The following PCDH10 variants were observed in gnomAD, a reference collection of about 807,000 sequenced individuals.
The protein encoded by PCDH10 is protocadherin 10.
A neutral mutation model predicts 74.4 loss-of-function variants in PCDH10; 15 were observed. The observed-to-expected ratio is 0.20, with a 90% CI of 0.13 to 0.31. PCDH10 has a LOEUF of 0.31. Among genes scored for constraint, PCDH10 ranks in the 10% least tolerant of loss-of-function variants. The pLI is 1.00. For synonymous variants in PCDH10, 619 were observed against 589.8 expected, an observed-to-expected ratio of 1.05 and a Z score of -0.72; for missense variants, 1,260 against 1,390.2, an observed-to-expected ratio of 0.91 and a Z score of 1.49.
intron 4 of PCDH10, among the ~76,000 whole-genome samples, chr4:133,183,479 C>G (rs1271592879): frequency 6.6e-6 from 1 of 151,968 alleles, no homozygotes; most frequent in African/African-American, 2.4e-5. Flanking sequence ...AATTGTATAC[C>G]ATTGTATTTG....
At chr4:133,154,480 G>A (rs1223769569) in intron 2 of PCDH10, 115 bp downstream of exon 2, 1 of 606,412 alleles carries the variant, frequency 1.6e-6, no homozygotes, top group East Asian at 3.0e-5. Flanking sequence ...TTCAATTAAG[G>A]CAGGACATAA....
rs748267361 is a variant in PCDH10 at position 133,152,501 on chromosome 4, C to T, written c.2361C>T (p.Ile787=). 1 of 1,614,114 alleles carries T rather than the reference C, an allele frequency of 6.2e-7. No homozygotes were observed. The change falls in exon 1 of 5, where the codon ATC becomes ATT. Residue 787 remains isoleucine (I), a synonymous_variant. Coordinates refer to ENST00000264360, the MANE Select transcript of PCDH10 (RefSeq NM_032961.3). The part of the protein sequence containing the change: ...ARKKKLSKSD[I]MLVQSSNVPS... Reference sequence around the variant, plus strand: ...AGAAGAAACTCAGCAAGTCAGACATCATGCTGGTGCAGAGCTCCAATGTAC... The same window carrying T: ...AGAAGAAACTCAGCAAGTCAGACATTATGCTGGTGCAGAGCTCCAATGTAC...
In PCDH10 at chr4:133,152,762, G is replaced by T. The variant is rs1726764002; in HGVS notation, c.2622G>T (p.Leu874Phe). The T allele has an allele frequency of 6.2e-7, 1 of 1,614,084 alleles. No homozygotes were observed. Among genetic ancestry groups the T allele is most frequent in the African/African-American group, 1.3e-5 (1 of 74,948 alleles). Reference protein sequence around the residue: ...QPDIISNGSILSNETKHQRAE... With the variant: ...QPDIISNGSIFSNETKHQRAE... ...ATATCATCTCCAACGGAAGCATTTT[G>T]TCCAACGAGGTAAGGCTGAAGCGAA... The change falls in exon 1 of 5, where the codon TTG becomes TTT. Residue 874 changes from leucine (L) to phenylalanine (F), a missense_variant. Leu to Phe is a conservative substitution (Grantham distance 22, BLOSUM62 0). Around this residue, in one of 11 missense-constraint regions of PCDH10, gnomAD observed 587 missense variants for 616.9 expected, o/e 0.95. Transcript: ENST00000264360.
Position 133,175,698 on chromosome 4 carries a change from T to C in PCDH10, c.3103+12416T>C, listed in dbSNP as rs932837649. 4.6e-5 allele frequency among the ~76,000 whole-genome samples: 7 copies of C among 152,080 alleles called. No homozygotes were observed. The East Asian group carries it at 1.2e-3, about 25-fold the overall frequency. On this transcript the variant is annotated intron_variant, in intron 4 of 4. Coordinates refer to ENST00000264360, the MANE Select transcript of PCDH10 (RefSeq NM_032961.3). Reference sequence around the variant, plus strand: ...CACACATGGCCCAATGCATCCTCATTTCATGTTAAGTGATCTGTACCTACT... The same window carrying C: ...CACACATGGCCCAATGCATCCTCATCTCATGTTAAGTGATCTGTACCTACT...
intron 4 of PCDH10, among the ~76,000 whole-genome samples, chr4:133,170,944 G>A (rs993955586): frequency 3.3e-5 from 5 of 151,734 alleles, no homozygotes; most frequent in South Asian, 4.2e-4. Context: ...CCAAAGTGCT[G>A]GGATTACAGG....
intron 4 of PCDH10, among the ~76,000 whole-genome samples, chr4:133,186,601 A>C (rs2125872445): frequency 6.6e-6 from 1 of 152,262 alleles, no homozygotes; most frequent in South Asian, 2.1e-4. Context: ...CACTGGAATA[A>C]TTGTCCTGGT....
chr4:133,204,085 A>T (rs1396800497), intron 2 of PCDH10, among the ~76,000 whole-genome samples: 1 of 152,134 alleles, frequency 6.6e-6, no homozygotes, highest in Non-Finnish European at 1.5e-5. Flanking sequence ...TGCCTTGACC[A>T]TGGGCTGCCA....
At position 133,157,521 on chromosome 4, in the gene PCDH10, G is replaced by A. The variant is rs1251776336; in HGVS notation, c.2797+2498G>A. Among the ~76,000 whole-genome samples, 6 of 152,078 alleles carry A rather than the reference G, an allele frequency of 3.9e-5. No homozygotes were observed. The East Asian group carries it at 1.2e-3, about 29-fold the overall frequency. Reference sequence around the variant, plus strand: ...GCATAGCTTTCTAAGTTCAGGATAGGAAAAAAACCTTGTGTTATAATAAGC... The same window carrying A: ...GCATAGCTTTCTAAGTTCAGGATAGAAAAAAAACCTTGTGTTATAATAAGC... On this transcript the variant is annotated intron_variant, in intron 3 of 4. Transcript: ENST00000264360.
chr4:133,185,841 A>G (rs1727532077), intron 4 of PCDH10, among the ~76,000 whole-genome samples: 1 of 152,068 alleles, frequency 6.6e-6, no homozygotes, highest in Non-Finnish European at 1.5e-5. Flanking sequence ...TATAAAGGGT[A>G]TTTTCTTTCC....
rs780537925 is a variant in PCDH10 at position 133,152,473 on chromosome 4, G to A, written c.2333G>A (p.Arg778His). The A allele has an allele frequency of 1.2e-6, 2 of 1,614,094 alleles. No individual in the cohort carries two copies. The highest frequency in any genetic ancestry group is 1.7e-6 in the Non-Finnish European group (2 of 1,179,994). ...TGCTGTGGCCGCCAAGCCCGGGCGCGCAAGAAGAAACTCAGCAAGTCAGAC... is the reference window on the plus strand; with the variant it reads ...TGCTGTGGCCGCCAAGCCCGGGCGCACAAGAAGAAACTCAGCAAGTCAGAC... ...STCCGRQARA[R>H]KKKLSKSDIM... Residue 778 changes from arginine (R) to histidine (H), a missense_variant, in exon 1 of 5, where the codon CGC (arginine) becomes CAC (histidine). By Grantham distance (29) the Arg-to-His change is conservative. Around this residue, in one of 11 missense-constraint regions of PCDH10, gnomAD observed 587 missense variants for 616.9 expected, o/e 0.95. Transcript: ENST00000264360.
At chr4:133,195,584 A>G (rs1727779798), downstream of PCDH10, among the ~76,000 whole-genome samples, 1 of 152,100 alleles carries the variant, frequency 6.6e-6, no homozygotes, top group Non-Finnish European at 1.5e-5. Flanking sequence ...GAGGTCTAAC[A>G]GTGCGAGAAA....
At position 133,151,466 on chromosome 4, in the gene PCDH10, G is replaced by T. The variant is rs763223297; in HGVS notation, c.1326G>T (p.Ala442=). ...TGGCTCGGGACCGGGGCGAGCCTGC[G>T]CTCTCCACCAGTAAGTCGATCCAGG... The part of the protein sequence containing the change: ...TVVARDRGEP[A]LSTSKSIQVQ... The change falls in exon 1 of 5, where the codon GCG becomes GCT. Residue 442 remains alanine, a synonymous_variant. Transcript: ENST00000264360. The T allele has an allele frequency of 4.3e-6, 7 of 1,613,602 alleles. No homozygotes were observed. The highest frequency in any genetic ancestry group is 5.1e-6 in the Non-Finnish European group (6 of 1,180,000).
chr4:133,166,696 A>T lies in PCDH10; in HGVS notation c.3103+3414A>T, dbSNP rs1287283697. On this transcript the variant is annotated intron_variant, in intron 4 of 4. Transcript: ENST00000264360. ...AACACCATCTCTTAAGATTTTTGTC[A>T]GTAAATGAACATGAAATTCAGTTCC... 4.6e-5 allele frequency among the ~76,000 whole-genome samples: 7 copies of T among 151,528 alleles called. No homozygotes were observed. In the East Asian group the frequency reaches 1.3e-3, roughly 29 times the overall value.
chr4:133,194,886 A>G (rs1056923852), downstream of PCDH10, among the ~76,000 whole-genome samples: 5 of 152,022 alleles, frequency 3.3e-5, no homozygotes, highest in African/African-American at 1.2e-4. Flanking sequence ...ATAGAAGTAT[A>G]TATTTTTCCA....
chr4:133,178,908 G>T (rs1727351814), intron 4 of PCDH10, among the ~76,000 whole-genome samples: 1 of 151,982 alleles, frequency 6.6e-6, no homozygotes, highest in East Asian at 1.9e-4. Flanking sequence ...TAAATGTTAT[G>T]GAAAAAAGTT....
rs763670241 is a variant in PCDH10 at position 133,163,045 on chromosome 4, C to A, written c.2866C>A (p.Pro956Thr). 6 of 1,614,152 alleles carry A rather than the reference C, an allele frequency of 3.7e-6. No homozygotes were observed. The highest frequency in any genetic ancestry group is 1.1e-5 in the South Asian group (1 of 91,084). The change falls in exon 4 of 5, where the codon CCT becomes ACT. Residue 956 changes from proline to threonine, a missense_variant. Transcript: ENST00000264360. Reference protein sequence around the residue: ...ALGHSDRCWMPSFVPSDGRQA... With the variant: ...ALGHSDRCWMTSFVPSDGRQA... ...GGGCCACTCAGATCGGTGCTGGATG[C>A]CTTCTTTTGTCCCTTCTGATGGACG...
Position 133,190,697 on chromosome 4 carries a change from A to G in PCDH10, c.*537A>G, listed in dbSNP as rs1727644033. 6.6e-6 allele frequency: 1 copy of G among 152,146 alleles called. No individual in the cohort carries two copies. The highest frequency in any genetic ancestry group is 1.5e-5 in the Non-Finnish European group (1 of 67,940). The allele number at this position is 152,146 out of a possible 1,614,324, so 9.4% of individuals were successfully genotyped here. The stretch of plus-strand genomic sequence containing the variant: ...AAATATCAAAGACATTCTGTAGTTT[A>G]TACACCGTGTTGCAAAGTGTTTACT... On this transcript the variant is annotated 3_prime_UTR_variant, in exon 5 of 5. Coordinates refer to ENST00000264360, the MANE Select transcript of PCDH10 (RefSeq NM_032961.3).
At chr4:133,180,413 C>T (rs1727391533) in intron 4 of PCDH10, among the ~76,000 whole-genome samples, 1 of 151,902 alleles carries the variant, frequency 6.6e-6, no homozygotes, top group Admixed American at 6.6e-5. Context: ...ATATGGCATT[C>T]TTACTTACCA....
rs1040118174 is a variant in PCDH10, at chr4:133,191,992, C to G, written c.*1832C>G. On this transcript the variant is annotated 3_prime_UTR_variant, in exon 5 of 5. Transcript: ENST00000264360. ...ACACACACACACACACACACACACA[C>G]ACACTTAGGTCCTGATATGTACATT... The G allele has an allele frequency of 2.0e-5, 3 of 148,632 alleles. No homozygotes were observed. Among genetic ancestry groups the G allele is most frequent in the African/African-American group, 7.5e-5 (3 of 40,228 alleles). 9.2% of individuals were successfully genotyped at this position (148,632 alleles called of 1,614,324 possible). A position where few individuals can be genotyped will look rare whatever the true frequency, so the allele number is the denominator to read the frequency against.
Sources: allele counts gnomAD v4.1 joint callset (sites outside exome capture counted in the v4.1 genomes callset), GRCh38; gene constraint gnomAD v4.1.1; regional missense constraint gnomAD v4.1.1; transcripts MANE v1.5; gene names NCBI Gene and HGNC (gene_info 2026-07-23, HGNC 2026-07-21).